Variants in RPUSD4 observed in about 807,000 individuals in gnomAD.
RPUSD4 encodes pseudouridylate synthase RPUSD4, mitochondrial.
A neutral mutation model predicts 35.4 loss-of-function variants in RPUSD4; 37 were observed. The ratio of observed to expected loss-of-function variants is 1.04; its 90% CI spans 0.80 to 1.37. The LOEUF is 1.37. Ranked by LOEUF, RPUSD4 falls within the 40% of genes most tolerant of loss-of-function variation. The pLI is 0.00. For missense variants in RPUSD4, 507 were observed against 484.9 expected (o/e 1.05, Z -0.43); for synonymous variants, 210 against 192.7 (o/e 1.09, Z -0.74).
At chr11:126,211,325 T>C in intron 1 of RPUSD4, 125 bp downstream of exon 1, 2 of 1,136,148 alleles carry the variant, frequency 1.8e-6, no homozygotes, top group Non-Finnish European at 2.5e-6. Context: ...TTCTCCCCAT[T>C]CTCCCACCTT....
rs767761956 is a variant in RPUSD4, at chr11:126,211,609, G to A, written c.30C>T (p.Gly10=). ...CTTGGCCGTTTCCCCGGATCCAGGG[G>A]CCCGACGCGCTCCACCTGGGCGCCG... MAAPRWSAS[G]PWIRGNGQGC... Residue 10 remains glycine, a synonymous_variant, in exon 1 of 7, where the codon GGC becomes GGT. Transcript: ENST00000298317. 2.2e-5 allele frequency: 35 copies of A among 1,613,678 alleles called. No individual in the cohort carries two copies. Among genetic ancestry groups the A allele is most frequent in the Admixed American group, 1.5e-4 (9 of 59,960 alleles).
rs756801077 is a variant in RPUSD4 at position 126,205,736 on chromosome 11, G to A, written c.603C>T (p.Asp201=). The A allele has an allele frequency of 1.9e-6, 3 of 1,613,094 alleles. No homozygotes were observed. Among genetic ancestry groups the A allele is most frequent in the Non-Finnish European group, 2.5e-6 (3 of 1,179,336 alleles). The change falls in exon 4 of 7, where the codon GAC becomes GAT. Residue 201 remains aspartate, a synonymous_variant. Transcript: ENST00000298317. Reference sequence around the variant, plus strand: ...GCGCCTCCTTCTCCACAATGGGGATGTCCACGACTCCTGCTGAGGGCATGG... The same window carrying A: ...GCGCCTCCTTCTCCACAATGGGGATATCCACGACTCCTGCTGAGGGCATGG... The part of the protein sequence containing the change: ...HVPMPSAGVV[D]IPIVEKEAQG...
chr11:126,210,482 C>G (rs1949837330), intron 2 of RPUSD4, among the ~76,000 whole-genome samples: 1 of 150,922 alleles, frequency 6.6e-6, no homozygotes, highest in African/African-American at 2.4e-5. Flanking sequence ...AAATTCCAGT[C>G]ACTCTGGGGT....
Position 126,211,000 on chromosome 11 carries a change from T to C in RPUSD4, c.245A>G (p.Gln82Arg). The C allele has an allele frequency of 1.2e-6, 2 of 1,614,154 alleles. No individual in the cohort carries two copies. Among genetic ancestry groups the C allele is most frequent in the Non-Finnish European group, 1.7e-6 (2 of 1,180,036 alleles). The change falls in exon 2 of 7, where the codon CAG (glutamine) becomes CGG (arginine). Residue 82 changes from glutamine to arginine, a missense_variant. Transcript: ENST00000298317. The stretch of plus-strand genomic sequence containing the variant: ...CACGTTGGGGTGGACTCGCTGCAGC[T>C]GCCGTGTGAACCGCACTATTTCTTG... ...RVQEIVRFTR[Q>R]LQRVHPNVLA...
chr11:126,204,905 C>T (rs1949754076), intron 5 of RPUSD4, among the ~76,000 whole-genome samples: 1 of 152,200 alleles, frequency 6.6e-6, no homozygotes, highest in Non-Finnish European at 1.5e-5. Flanking sequence ...TGTCTCTATA[C>T]ATCTGACTCT....
chr11:126,206,950 T>G (rs1200452890), intron 3 of RPUSD4, among the ~76,000 whole-genome samples: 18 of 152,244 alleles, frequency 1.2e-4, no homozygotes, highest in Admixed American at 1.2e-3. Flanking sequence ...CCCAACTGAT[T>G]GATTTCAATT....
In RPUSD4 at chr11:126,202,630, T is replaced by A. The variant is rs1365884659; in HGVS notation, c.*788A>T. The A allele has an allele frequency of 6.6e-6, 1 of 152,268 alleles. No individual in the cohort carries two copies. The highest frequency in any genetic ancestry group is 1.5e-5 in the Non-Finnish European group (1 of 68,054). The allele number at this position is 152,268 out of a possible 1,614,324, so 9.4% of individuals were successfully genotyped here. ...TAGACCAAATTCAACCTCTAAGTAT[T>A]ATTTGCTTAGGTGCCTAAGCATCTT... is the stretch of plus-strand genomic sequence containing the variant. On this transcript the variant is annotated 3_prime_UTR_variant, in exon 7 of 7. Coordinates refer to ENST00000298317, the MANE Select transcript of RPUSD4 (RefSeq NM_032795.3).
intron 3 of RPUSD4, among the ~76,000 whole-genome samples, chr11:126,206,910 C>T (rs756044684): frequency 2.0e-5 from 3 of 152,124 alleles, no homozygotes; most frequent in Non-Finnish European, 2.9e-5. Context: ...TGATATGACA[C>T]TACAACTCAA....
chr11:126,209,534 C>G lies in RPUSD4; in HGVS notation c.544G>C (p.Val182Leu). 6.2e-7 allele frequency: 1 copy of G among 1,614,208 alleles called. No homozygotes were observed. Among genetic ancestry groups the G allele is most frequent in the Non-Finnish European group, 8.5e-7 (1 of 1,180,020 alleles). ...VQELFRTRQV[V>L]KKYWAITVHV... The stretch of plus-strand genomic sequence containing the variant: ...CAGGCCTCATACCAGTACTTCTTCA[C>G]CACCTGACGGGTTCTAAACAACTCT... Residue 182 changes from valine to leucine, a missense_variant, in exon 3 of 7, where the codon GTG (valine) becomes CTG (leucine). Physicochemically the swap from Val to Leu is conservative, Grantham distance 32. Coordinates refer to ENST00000298317, the MANE Select transcript of RPUSD4 (RefSeq NM_032795.3).
intron 3 of RPUSD4, 156 bp from the exon 4 acceptor site, chr11:126,205,937 C>T (rs1949769699): frequency 3.8e-6 from 2 of 525,710 alleles, no homozygotes; most frequent in Non-Finnish European, 6.6e-6. Context: ...AATGCTTAGC[C>T]TGAGAGCTGA....
At position 126,205,525 on chromosome 11, in the gene RPUSD4, A is replaced by G. The variant is rs767402363; in HGVS notation, c.739T>C (p.Tyr247His). ...GAGAGAGTGCTGCTGAGCACCTGGTACTGAGTTACAGCAACTTGCGCATTC... is the reference window on the plus strand; with the variant it reads ...GAGAGAGTGCTGCTGAGCACCTGGTGCTGAGTTACAGCAACTTGCGCATTC... ...SRNAQVAVTQ[Y>H]QVLSSTLSSA... The change falls in exon 5 of 7, where the codon TAC (tyrosine) becomes CAC (histidine). Residue 247 changes from tyrosine (Y) to histidine (H), a missense_variant. Coordinates refer to ENST00000298317, the MANE Select transcript of RPUSD4 (RefSeq NM_032795.3). 2.5e-6 allele frequency: 4 copies of G among 1,614,158 alleles called. No individual in the cohort carries two copies. The African/African-American group carries it at 4.0e-5, about 16-fold the overall frequency.
At chr11:126,208,058 C>G (rs1019767074) in intron 3 of RPUSD4, among the ~76,000 whole-genome samples, 1 of 151,568 alleles carries the variant, frequency 6.6e-6, no homozygotes, top group Non-Finnish European at 1.5e-5. Context: ...GTGGCAAACC[C>G]TTTAAAAATG....
chr11:126,204,395 G>A (rs1949747396), intron 5 of RPUSD4, 67 bp from the exon 6 acceptor site: 2 of 1,167,042 alleles, frequency 1.7e-6, no homozygotes, highest in Non-Finnish European at 2.5e-6. Context: ...ACCAGTATTG[G>A]CATCTGCTTC....
chr11:126,204,528 T>C (rs1386725861), intron 5 of RPUSD4, among the ~76,000 whole-genome samples, 200 bp from the exon 6 acceptor site: 3 of 152,164 alleles, frequency 2.0e-5, no homozygotes, highest in African/African-American at 7.2e-5. Flanking sequence ...ACGCCGTAAA[T>C]ACTCTAAGTA....
At chr11:126,207,665 C>T (rs1949786615) in intron 3 of RPUSD4, among the ~76,000 whole-genome samples, 1 of 152,198 alleles carries the variant, frequency 6.6e-6, no homozygotes, top group South Asian at 2.1e-4. Flanking sequence ...GCCTGGCCAA[C>T]AGGCTGAAAC....
chr11:126,207,119 G>A (rs1949781752), intron 3 of RPUSD4, among the ~76,000 whole-genome samples: 1 of 152,062 alleles, frequency 6.6e-6, no homozygotes, highest in African/African-American at 2.4e-5. Context: ...CTATGAACTA[G>A]GTACTGTGTT....
intron 2 of RPUSD4, 134 bp downstream of exon 2, chr11:126,210,756 T>A: frequency 1.4e-6 from 1 of 740,596 alleles, no homozygotes; most frequent in Admixed American, 3.2e-5. Context: ...TTCCTTATAT[T>A]GGACGGTAGT....
In RPUSD4 at chr11:126,203,515, G is replaced by A. The variant is rs1478305390; in HGVS notation, c.1037C>T (p.Pro346Leu). 7 of 1,614,098 alleles carry A rather than the reference G, an allele frequency of 4.3e-6. No homozygotes were observed. The highest frequency in any genetic ancestry group is 1.3e-5 in the African/African-American group (1 of 74,932). Reference protein sequence around the residue: ...KEELNLVCKLPRFFVHSLHRL... With the variant: ...KEELNLVCKLLRFFVHSLHRL... Reference sequence around the variant, plus strand: ...GTGCAGGGAATGCACAAAGAAGCGAGGAAGTTTGCAGACCAAGTTGAGTTC... The same window carrying A: ...GTGCAGGGAATGCACAAAGAAGCGAAGAAGTTTGCAGACCAAGTTGAGTTC... Residue 346 changes from proline to leucine, a missense_variant, in exon 7 of 7, where the codon CCT (proline) becomes CTT (leucine). Physicochemically the swap from Pro to Leu is moderately conservative, Grantham distance 98. Transcript: ENST00000298317.
At position 126,202,704 on chromosome 11, in the gene RPUSD4, T is replaced by C. The variant is rs758423693; in HGVS notation, c.*714A>G. On this transcript the variant is annotated 3_prime_UTR_variant, in exon 7 of 7. Coordinates refer to ENST00000298317, the MANE Select transcript of RPUSD4 (RefSeq NM_032795.3). ...TACACTGGGAGGTTTCACATAAATA[T>C]CTAGGTTTCCAGCTTCTCTGAAGAA... 1 of 152,226 alleles carries C rather than the reference T, an allele frequency of 6.6e-6. No homozygotes were observed. Among genetic ancestry groups the C allele is most frequent in the Admixed American group, 6.5e-5 (1 of 15,280 alleles). 9.4% of individuals were successfully genotyped at this position (152,226 alleles called of 1,614,324 possible). A position where few individuals can be genotyped will look rare whatever the true frequency, so the allele number is the denominator to read the frequency against.
Sources: allele counts gnomAD v4.1 joint callset (sites outside exome capture counted in the v4.1 genomes callset), GRCh38; gene constraint gnomAD v4.1.1; transcripts MANE v1.5; gene names NCBI Gene and HGNC (gene_info 2026-07-23, HGNC 2026-07-21).